Variants in WWTR1 observed in about 807,000 individuals in gnomAD.
WWTR1 encodes the protein WW domain-containing transcription regulator protein 1.
In WWTR1, 13 loss-of-function variants were observed where a neutral mutation model predicts 40.1. The ratio of observed to expected loss-of-function variants is 0.32; its 90% confidence interval spans 0.21 to 0.52. The LOEUF is 0.52. WWTR1 is among the 20% of genes least tolerant of loss of function. The pLI is 0.97. For missense variants in WWTR1, 436 were observed against 523.1 expected (o/e 0.83, Z 1.63); for synonymous variants, 230 against 210.1 (o/e 1.09, Z -0.82).
At chr3:149,724,590 A>G (rs965094759) in intron 3 of WWTR1, 10 of 152,142 alleles carry the variant, frequency 6.6e-5, no homozygotes, top group African/African-American at 2.2e-4. Context: ...AAAGGTGCAC[A>G]CACCATTTTA....
chr3:149,639,416 C>T (rs552059798), intron 2 of WWTR1, among the ~76,000 whole-genome samples: 1 of 152,188 alleles, frequency 6.6e-6, no homozygotes, highest in Non-Finnish European at 1.5e-5. Flanking sequence ...CTCTGTTGCT[C>T]AGGCCGGTCT....
intron 4 of WWTR1, among the ~76,000 whole-genome samples, chr3:149,538,271 T>C (rs936926405): frequency 6.6e-6 from 1 of 152,212 alleles, no homozygotes; most frequent in African/African-American, 2.4e-5. Flanking sequence ...CAAATTTTAA[T>C]TTCCTTAAAA....
intron 2 of WWTR1, among the ~76,000 whole-genome samples, chr3:149,630,953 G>A (rs182113747): frequency 3.7e-4 from 56 of 152,256 alleles, no homozygotes; most frequent in African/African-American, 1.3e-3. Flanking sequence ...AGGCTTAATG[G>A]ACAAAAGGGG....
intron 3 of WWTR1, among the ~76,000 whole-genome samples, chr3:149,571,214 CTTTTTTTTT>C (rs10535515): frequency 1.3e-4 from 13 of 101,256 alleles, no homozygotes; most frequent in Admixed American, 8.9e-4. Context: ...TTTTTCTTTT[CTTTTTTTTT>C]TTTTTTTTTT....
Position 149,609,244 on chromosome 3 carries a change from C to T in WWTR1, c.432-36244G>A, listed in dbSNP as rs1299385479. On this transcript the variant is annotated intron_variant, in intron 2 of 6. Transcript: ENST00000360632. ...CTGGACTCCTCAAAGCCATCCAACT[C>T]CACCAGGAAATTTTCTTCACAAGTT... Among the ~76,000 whole-genome samples, 3 of 152,142 alleles carry T rather than the reference C, an allele frequency of 2.0e-5. No homozygotes were observed. In the East Asian group the frequency reaches 5.8e-4, roughly 29 times the overall value.
At chr3:149,652,267 A>T (rs1249145103) in intron 2 of WWTR1, among the ~76,000 whole-genome samples, 1 of 152,026 alleles carries the variant, frequency 6.6e-6, no homozygotes, top group Admixed American at 6.6e-5. Flanking sequence ...AAAAGTGAAC[A>T]GTAGAACTGG....
chr3:149,584,318 TG>T (rs1189497794), intron 2 of WWTR1, among the ~76,000 whole-genome samples: 1 of 152,244 alleles, frequency 6.6e-6, no homozygotes, highest in Non-Finnish European at 1.5e-5. Context: ...CCTCTATTCA[TG>T]TGAAGAGATT....
chr3:149,525,937 AATAAAATTGAG>A, intron 6 of WWTR1, 65 bp downstream of exon 6: 6 of 827,730 alleles, frequency 7.2e-6, no homozygotes, highest in Non-Finnish European at 1.1e-5. Flanking sequence ...ATAAAAGAAA[AATAAAATTGAG>A]ATAACCGAAG....
At chr3:149,696,112 C>CAAA (rs368629673) in intron 1 of WWTR1, among the ~76,000 whole-genome samples, 2,599 of 76,670 alleles carry the variant, frequency 0.034, 220 homozygotes, top group East Asian at 0.099. Context: ...GACTCTGTCT[C>CAAA]AAAAAAAAAA....
upstream of WWTR1, among the ~76,000 whole-genome samples, chr3:149,661,855 C>A (rs1476765050): frequency 1.3e-5 from 2 of 151,696 alleles, no homozygotes; most frequent in East Asian, 3.9e-4. Context: ...GCCTCAGCCT[C>A]CTGAGTAGCT....
chr3:149,517,412 A>G lies in WWTR1; in HGVS notation c.*3393T>C, dbSNP rs1470066140. The G allele has an allele frequency of 6.6e-6, 1 of 152,256 alleles. No individual in the cohort carries two copies. Among genetic ancestry groups the G allele is most frequent in the East Asian group, 1.9e-4 (1 of 5,206 alleles). The allele number at this position is 152,256 out of a possible 1,614,324, so 9.4% of individuals were successfully genotyped here. On this transcript the variant is annotated 3_prime_UTR_variant, in exon 7 of 7. Transcript: ENST00000360632. Reference sequence around the variant, plus strand: ...CAAAACGTAGAAGTAAAATTTTAAAAAGTTAAAGTACTAGCACATATATGT... The same window carrying G: ...CAAAACGTAGAAGTAAAATTTTAAAGAGTTAAAGTACTAGCACATATATGT...
chr3:149,658,513 G>T (rs887252090), upstream of WWTR1: 2 of 152,374 alleles, frequency 1.3e-5, no homozygotes, highest in African/African-American at 4.8e-5. Flanking sequence ...GATTCTGCCC[G>T]AAGGCCGGCC....
At chr3:149,556,947 T>C (rs1736854600) in intron 3 of WWTR1, among the ~76,000 whole-genome samples, 1 of 152,070 alleles carries the variant, frequency 6.6e-6, no homozygotes, top group African/African-American at 2.4e-5. Context: ...TATACACTCA[T>C]TTTGGTCTTC....
intron 4 of WWTR1, among the ~76,000 whole-genome samples, chr3:149,530,777 T>C (rs1240660109): frequency 6.6e-6 from 1 of 152,204 alleles, no homozygotes; most frequent in Non-Finnish European, 1.5e-5. Context: ...TCTCCAGCAC[T>C]GATGTTTCCC....
intron 2 of WWTR1, among the ~76,000 whole-genome samples, chr3:149,615,836 T>G (rs149870033): frequency 4.6e-5 from 7 of 152,366 alleles, no homozygotes; most frequent in Non-Finnish European, 1.0e-4. Context: ...ATATATTGTT[T>G]GGTCCCTTTA....
At chr3:149,587,111 G>A (rs150447208) in intron 2 of WWTR1, among the ~76,000 whole-genome samples, 2 of 152,310 alleles carry the variant, frequency 1.3e-5, no homozygotes, top group Admixed American at 6.5e-5. Flanking sequence ...GTCACCACCT[G>A]TAGCTTGCAA....
chr3:149,621,064 G>A (rs1021033036), intron 2 of WWTR1, among the ~76,000 whole-genome samples: 5 of 152,138 alleles, frequency 3.3e-5, no homozygotes, highest in African/African-American at 9.7e-5. Flanking sequence ...ATGTGCTGCC[G>A]TTCTTACTTT....
chr3:149,717,839 T>G (rs1026556642), intron 4 of WWTR1, among the ~76,000 whole-genome samples: 1 of 152,152 alleles, frequency 6.6e-6, no homozygotes, highest in African/African-American at 2.4e-5. Flanking sequence ...TGGTAGCTTG[T>G]TAGTATTCAC....
intron 2 of WWTR1, among the ~76,000 whole-genome samples, chr3:149,612,505 T>C (rs1475157085): frequency 6.6e-6 from 1 of 152,192 alleles, no homozygotes; most frequent in Non-Finnish European, 1.5e-5. Flanking sequence ...TTTGTACTTG[T>C]AAGTAAACAG....
Sources: gnomAD v4.1 joint callset for allele counts (sites outside exome capture counted in the v4.1 genomes callset) on GRCh38, gnomAD v4.1.1 for gene constraint, MANE v1.5 for transcripts, NCBI Gene and HGNC (gene_info 2026-07-23, HGNC 2026-07-21) for gene names.